TRIM33: variants seen among roughly 807,000 people sequenced by gnomAD.
TRIM33 encodes tripartite motif containing 33.
In TRIM33, 20 loss-of-function variants were observed where a neutral mutation model predicts 125.4. That is an observed-to-expected ratio of 0.16 (90% confidence interval 0.11 to 0.23). The LOEUF (loss-of-function observed/expected upper bound fraction) is 0.23. Among genes scored for constraint, TRIM33 ranks in the 10% least tolerant of loss-of-function variants. The pLI, the probability that TRIM33 is intolerant of heterozygous loss-of-function variation, is 1.00. For synonymous variants in TRIM33, 564 were observed against 513.9 expected, an observed-to-expected ratio of 1.10 and a Z score of -1.32; for missense variants, 920 against 1,411.4, an observed-to-expected ratio of 0.65 and a Z score of 5.58.
rs149618438 is a variant in TRIM33 at position 114,501,047 on chromosome 1, G to A, written c.526+9504C>T. Among the ~76,000 whole-genome samples the A allele has an allele frequency of 4.3e-5, 5 of 115,812 alleles. 1 individual carries two copies. The highest frequency in any genetic ancestry group is 4.0e-4 in the Admixed American group (5 of 12,366). 76.0% of individuals were successfully genotyped at this position (115,812 alleles called of 152,430 possible). On this transcript the variant is annotated intron_variant, in intron 1 of 19. Coordinates refer to ENST00000358465, the MANE Select transcript of TRIM33 (RefSeq NM_015906.4). ...CTACTAAAAATACAAAAAATTAGCCGGGCGTAGTGGCGGGCGCCTGTAGTC... is the reference window on the plus strand; with the variant it reads ...CTACTAAAAATACAAAAAATTAGCCAGGCGTAGTGGCGGGCGCCTGTAGTC...
At chr1:114,506,670 A>G (rs1334564483) in intron 1 of TRIM33, among the ~76,000 whole-genome samples, 4 of 152,182 alleles carry the variant, frequency 2.6e-5, no homozygotes, top group African/African-American at 4.8e-5. Flanking sequence ...ATAAATGTAT[A>G]TATACCCACT....
intron 4 of TRIM33, among the ~76,000 whole-genome samples, chr1:114,457,434 G>A (rs961625133): frequency 2.0e-5 from 3 of 152,140 alleles, no homozygotes; most frequent in Non-Finnish European, 4.4e-5. Context: ...CATTAACTGA[G>A]ACTGAATCTA....
In TRIM33 at chr1:114,429,739, C is replaced by A. The variant is rs193006748; in HGVS notation, c.1155+1059G>T. Among the ~76,000 whole-genome samples, 68 of 152,062 alleles carry A rather than the reference C, an allele frequency of 4.5e-4. 2 individuals are homozygous for A. The East Asian group carries it at 0.01, about 23-fold the overall frequency. On this transcript the variant is annotated intron_variant, in intron 6 of 19. Transcript: ENST00000358465. Reference sequence around the variant, plus strand: ...AAAAATAATCCCCATATCATCTGAACCTAGTTAAGAGCATGAAATCTTCAA... The same window carrying A: ...AAAAATAATCCCCATATCATCTGAAACTAGTTAAGAGCATGAAATCTTCAA...
In TRIM33 at chr1:114,393,434, T is replaced by C. The variant is rs1651383231; in HGVS notation, c.*4214A>G. Reference sequence around the variant, plus strand: ...TTTTGGTGCCTTCCCACACATAAATTTGGTGAATTTAAAAGAGGAGCATTT... The same window carrying C: ...TTTTGGTGCCTTCCCACACATAAATCTGGTGAATTTAAAAGAGGAGCATTT... On this transcript the variant is annotated 3_prime_UTR_variant, in exon 20 of 20. Transcript: ENST00000358465. 1 of 201,960 alleles carries C rather than the reference T, an allele frequency of 5.0e-6. No homozygotes were observed. Among genetic ancestry groups the C allele is most frequent in the African/African-American group, 2.3e-5 (1 of 43,574 alleles). 12.5% of individuals were successfully genotyped at this position (201,960 alleles called of 1,614,324 possible).
At chr1:114,485,854 T>C (rs75855033) in intron 1 of TRIM33, among the ~76,000 whole-genome samples, 2,525 of 152,310 alleles carry the variant, frequency 0.017, 59 homozygotes, top group African/African-American at 0.052. Flanking sequence ...AAAAATTATT[T>C]GTCAAACACC....
intron 1 of TRIM33, among the ~76,000 whole-genome samples, chr1:114,486,546 CAAA>C (rs372795084): frequency 4.6e-5 from 3 of 65,246 alleles, no homozygotes; most frequent in East Asian, 4.3e-4. Flanking sequence ...GACCCTATCT[CAAA>C]AAAAAAAAAA....
In TRIM33 at chr1:114,397,612, T is replaced by TGG; in HGVS notation, c.*35_*36insCC. Reference sequence around the variant, plus strand: ...GTGTTTTTTTTTTTTTTTTCGTTTTTTTTTTTTTAAACAATTGATTTAAAT... The same window carrying TGG: ...GTGTTTTTTTTTTTTTTTTCGTTTTTGGTTTTTTTTAAACAATTGATTTAAAT... On this transcript the variant is annotated 3_prime_UTR_variant, in exon 20 of 20. Transcript: ENST00000358465. 10 of 1,255,350 alleles carry TGG rather than the reference T, an allele frequency of 8.0e-6. No individual in the cohort carries two copies. Among genetic ancestry groups the TGG allele is most frequent in the South Asian group, 1.4e-5 (1 of 73,356 alleles). 77.8% of individuals were successfully genotyped at this position (1,255,350 alleles called of 1,614,324 possible).
intron 4 of TRIM33, among the ~76,000 whole-genome samples, chr1:114,448,219 T>C (rs1390766821): frequency 6.6e-6 from 1 of 152,194 alleles, no homozygotes; most frequent in African/African-American, 2.4e-5. Flanking sequence ...ATTAGCTTTC[T>C]AAAGGAAGAG....
chr1:114,491,006 A>G (rs557176868), intron 1 of TRIM33, among the ~76,000 whole-genome samples: 1 of 152,166 alleles, frequency 6.6e-6, no homozygotes, highest in South Asian at 2.1e-4. Flanking sequence ...TCTGGGGGGA[A>G]TGGTTTGGGG....
intron 1 of TRIM33, among the ~76,000 whole-genome samples, chr1:114,474,401 C>A (rs6703862): frequency 4.2e-5 from 6 of 142,402 alleles, no homozygotes; most frequent in Non-Finnish European, 7.8e-5. Context: ...GGCCCCATTT[C>A]TACAAATTAA....
chr1:114,485,056 A>AC (rs1300482721), intron 1 of TRIM33, among the ~76,000 whole-genome samples: 22 of 151,694 alleles, frequency 1.5e-4, no homozygotes, highest in Non-Finnish European at 2.7e-4. Flanking sequence ...TGTCTTTTAA[A>AC]AAAAAAAAAA....
chr1:114,426,682 CTT>C (rs1382033520), intron 8 of TRIM33, among the ~76,000 whole-genome samples: 2 of 152,178 alleles, frequency 1.3e-5, no homozygotes. Context: ...CATCTATGGT[CTT>C]TAGGTCCATA....
At chr1:114,456,226 T>G (rs1325398234) in intron 4 of TRIM33, among the ~76,000 whole-genome samples, 2 of 152,210 alleles carry the variant, frequency 1.3e-5, no homozygotes, top group African/African-American at 4.8e-5. Context: ...GAGGTCAATG[T>G]TGATGAGAAA....
rs878926441 is a variant in TRIM33 at position 114,430,747 on chromosome 1, G to A, written c.1155+51C>T. ...TAGTTTTCAATAAACATTAAAAACA[G>A]CTAAAGAGCAAGAGAAGCAGTTTTT... On this transcript the variant is annotated intron_variant, in intron 6 of 19. Coordinates refer to ENST00000358465, the MANE Select transcript of TRIM33 (RefSeq NM_015906.4). 3.1e-6 allele frequency: 3 copies of A among 956,924 alleles called. No homozygotes were observed. The South Asian group carries it at 3.9e-5, about 12-fold the overall frequency. 59.3% of individuals were successfully genotyped at this position (956,924 alleles called of 1,614,324 possible).
At chr1:114,477,105 T>C (rs933747271) in intron 1 of TRIM33, among the ~76,000 whole-genome samples, 1 of 152,170 alleles carries the variant, frequency 6.6e-6, no homozygotes, top group African/African-American at 2.4e-5. Flanking sequence ...AAGAATATTA[T>C]GATCAGTAAG....
chr1:114,495,684 A>C (rs1652327685), intron 1 of TRIM33, among the ~76,000 whole-genome samples: 1 of 152,186 alleles, frequency 6.6e-6, no homozygotes, highest in Non-Finnish European at 1.5e-5. Context: ...TGAGGAAGGA[A>C]AACAGAGAAG....
chr1:114,439,430 C>G (rs577620136), intron 4 of TRIM33, among the ~76,000 whole-genome samples: 1 of 136,290 alleles, frequency 7.3e-6, no homozygotes, highest in Non-Finnish European at 1.5e-5. Flanking sequence ...GATTGCGCCA[C>G]GGCACTCCAG....
chr1:114,397,800 T>C lies in TRIM33; in HGVS notation c.3232A>G (p.Thr1078Ala), dbSNP rs1651636163. ...AAGGTCCTGTCTGAGTAGATCTCTG[T>C]GAGTTTATCTTCAAAGTACAATGCA... Reference protein sequence around the residue: ...AVALYFEDKLTEIYSDRTFAP... With the variant: ...AVALYFEDKLAEIYSDRTFAP... The change falls in exon 20 of 20, where the codon ACA (threonine) becomes GCA (alanine). Residue 1078 changes from threonine (T) to alanine (A), a missense_variant. By Grantham distance (58) the Thr-to-Ala change is moderately conservative. This residue lies in a region of TRIM33 where 122 missense variants were observed against 236.8 expected (regional missense o/e 0.52). Coordinates refer to ENST00000358465, the MANE Select transcript of TRIM33 (RefSeq NM_015906.4). The C allele has an allele frequency of 1.2e-6, 2 of 1,613,478 alleles. 1 individual carries two copies. The highest frequency in any genetic ancestry group is 2.7e-5 in the African/African-American group (2 of 74,848).
chr1:114,437,718 G>A (rs1417137109), intron 4 of TRIM33, among the ~76,000 whole-genome samples: 3 of 152,000 alleles, frequency 2.0e-5, no homozygotes, highest in Non-Finnish European at 4.4e-5. Context: ...AAGTAAAAAT[G>A]ATGTATGCCC....
Sources: allele counts gnomAD v4.1 joint callset (sites outside exome capture counted in the v4.1 genomes callset), GRCh38; gene constraint gnomAD v4.1.1; regional missense constraint gnomAD v4.1.1; transcripts MANE v1.5; gene names NCBI Gene and HGNC (gene_info 2026-07-23, HGNC 2026-07-21).